Variants in SAMD12 observed in about 807,000 individuals in gnomAD.
SAMD12 encodes the protein sterile alpha motif domain-containing protein 12.
Under a neutral mutation model 15.0 loss-of-function variants are expected in SAMD12, and 9 were observed. That is an observed-to-expected ratio of 0.60 (90% CI 0.36 to 1.05). SAMD12 has a LOEUF of 1.05. Among genes scored for constraint, SAMD12 ranks in the 50% least tolerant of loss-of-function variants. The pLI, the probability that SAMD12 is intolerant of heterozygous loss-of-function variation, is 0.01. For missense variants in SAMD12, 230 were observed against 234.2 expected, an observed-to-expected ratio of 0.98 and a Z score of 0.12; for synonymous variants, 86 against 90.1, an observed-to-expected ratio of 0.96 and a Z score of 0.25.
intron 2 of SAMD12, among the ~76,000 whole-genome samples, chr8:118,568,576 C>T (rs1377027335): frequency 6.6e-6 from 1 of 152,090 alleles, no homozygotes; most frequent in Non-Finnish European, 1.5e-5. Flanking sequence ...AGAAAACCCT[C>T]AAGTGAGAAA....
At chr8:118,490,934 G>A (rs1193584470) in intron 2 of SAMD12, among the ~76,000 whole-genome samples, 4 of 115,564 alleles carry the variant, frequency 3.5e-5, no homozygotes, top group African/African-American at 1.5e-4. Context: ...TAAAGAAGTG[G>A]GAAAAAAAAA....
chr8:118,185,019 T>C (rs564939887), downstream of SAMD12, among the ~76,000 whole-genome samples: 56 of 152,244 alleles, frequency 3.7e-4, no homozygotes, highest in African/African-American at 1.2e-3. Context: ...CCTGTTTGCG[T>C]TGATGAAGTT....
chr8:118,500,500 C>A (rs373442485), intron 2 of SAMD12, among the ~76,000 whole-genome samples: 3 of 151,610 alleles, frequency 2.0e-5, no homozygotes, highest in Admixed American at 6.6e-5. Context: ...ATTCTTGATT[C>A]TTTTAATCAA....
chr8:118,517,678 A>T (rs1825280886), intron 2 of SAMD12, among the ~76,000 whole-genome samples: 1 of 152,180 alleles, frequency 6.6e-6, no homozygotes, highest in Non-Finnish European at 1.5e-5. Context: ...GCAATCACAC[A>T]CACATTAGGT....
At chr8:118,267,701 T>TGTG (rs1813238606) in intron 4 of SAMD12, among the ~76,000 whole-genome samples, 2 of 147,504 alleles carry the variant, frequency 1.4e-5, no homozygotes, top group Non-Finnish European at 1.5e-5. Flanking sequence ...TTCCCATCTG[T>TGTG]TGTGTGTGTG....
At chr8:118,430,094 A>G (rs1457052136) in intron 3 of SAMD12, among the ~76,000 whole-genome samples, 1 of 152,130 alleles carries the variant, frequency 6.6e-6, no homozygotes, top group Non-Finnish European at 1.5e-5. Context: ...AATTTTGTCA[A>G]ATGCTTTCTC....
chr8:118,420,846 T>C lies in SAMD12; in HGVS notation c.322+18986A>G, dbSNP rs573430303. Among the ~76,000 whole-genome samples the C allele has an allele frequency of 2.0e-5, 3 of 152,260 alleles. No homozygotes were observed. In the East Asian group the frequency reaches 5.8e-4, roughly 29 times the overall value. On this transcript the variant is annotated intron_variant, in intron 3 of 3. Transcript: ENST00000314727. ...TGATTTGGGCAAAGGGAAGAAGAGA[T>C]TAGAATAGGGGTTGGCAAACTACGA...
chr8:118,172,687 G>A, the SAMD12 span, among the ~76,000 whole-genome samples: 17 of 152,104 alleles, frequency 1.1e-4, no homozygotes, highest in African/African-American at 3.1e-4. Context: ...CCATGAAACC[G>A]TTACCACAGA....
chr8:118,551,053 G>A (rs894757003), intron 2 of SAMD12, among the ~76,000 whole-genome samples: 13 of 152,084 alleles, frequency 8.5e-5, no homozygotes, highest in Non-Finnish European at 1.5e-5. Context: ...CCTACAAGGA[G>A]ACTTAGACCA....
At chr8:118,440,297 C>T (rs1345158858) in intron 2 of SAMD12, among the ~76,000 whole-genome samples, 1 of 152,058 alleles carries the variant, frequency 6.6e-6, no homozygotes, top group Non-Finnish European at 1.5e-5. Flanking sequence ...CACAGCTGGC[C>T]CCAAGTGCCT....
At chr8:118,380,195 G>A (rs181932358) in intron 3 of SAMD12, among the ~76,000 whole-genome samples, 2,409 of 152,296 alleles carry the variant, frequency 0.016, 60 homozygotes, top group African/African-American at 0.053. Context: ...ACATTTCTGA[G>A]AAATATGCAT....
intron 4 of SAMD12, among the ~76,000 whole-genome samples, chr8:118,210,406 C>A (rs1819987667): frequency 6.6e-6 from 1 of 152,176 alleles, no homozygotes; most frequent in African/African-American, 2.4e-5. Flanking sequence ...GTGTAGTCTG[C>A]ATCACAGCCA....
chr8:118,197,432 G>C, exon 5 of SAMD12: 1 of 547,748 alleles, frequency 1.8e-6, no homozygotes, highest in South Asian at 2.4e-5. Flanking sequence ...GTTATGCACA[G>C]TGATGAAAAC....
chr8:118,544,199 G>A (rs1383047937), intron 2 of SAMD12, among the ~76,000 whole-genome samples: 1 of 152,130 alleles, frequency 6.6e-6, no homozygotes, highest in Non-Finnish European at 1.5e-5. Context: ...TAAGTATGTG[G>A]TGGCACAAAA....
chr8:118,564,206 T>G (rs1362361326), intron 2 of SAMD12, among the ~76,000 whole-genome samples: 1 of 101,562 alleles, frequency 9.8e-6, no homozygotes, highest in African/African-American at 3.8e-5. Context: ...CCCCGCCACC[T>G]GCCCGCCGAC....
chr8:118,546,862 C>T (rs1457360835), intron 2 of SAMD12, among the ~76,000 whole-genome samples: 1 of 152,186 alleles, frequency 6.6e-6, no homozygotes, highest in African/African-American at 2.4e-5. Flanking sequence ...CAGAAGGCCA[C>T]ATCAGTTTGC....
intron 2 of SAMD12, among the ~76,000 whole-genome samples, chr8:118,503,185 A>G (rs2131045736): frequency 6.6e-6 from 1 of 152,348 alleles, no homozygotes; most frequent in Admixed American, 6.5e-5. Context: ...GTTCACAAAC[A>G]GCAATTTAAA....
intron 2 of SAMD12, among the ~76,000 whole-genome samples, chr8:118,449,476 A>C (rs1326035656): frequency 2.0e-5 from 3 of 152,086 alleles, no homozygotes; most frequent in Non-Finnish European, 2.9e-5. Context: ...GAAGAGGATT[A>C]AAAGGTACCA....
At chr8:118,329,165 G>T (rs373432935) in intron 4 of SAMD12, among the ~76,000 whole-genome samples, 70 of 152,234 alleles carry the variant, frequency 4.6e-4, no homozygotes, top group African/African-American at 1.6e-3. Flanking sequence ...CAACATAGAT[G>T]AGTGGAAGGA....
Sources: gnomAD v4.1 joint callset for allele counts (sites outside exome capture counted in the v4.1 genomes callset) on GRCh38, gnomAD v4.1.1 for gene constraint, MANE v1.5 for transcripts, NCBI Gene and HGNC (gene_info 2026-07-23, HGNC 2026-07-21) for gene names.